CCDC50: variants seen among roughly 807,000 people sequenced by gnomAD.
The protein encoded by CCDC50 is coiled-coil domain containing 50.
A neutral mutation model predicts 70.2 loss-of-function variants in CCDC50; 54 were observed. That is an observed-to-expected ratio of 0.77 (90% CI 0.62 to 0.96). The LOEUF is 0.96. Ranked by LOEUF, CCDC50 falls within the 50% of genes least tolerant of loss-of-function variation. CCDC50 has a pLI of 0.00. For synonymous variants in CCDC50, 216 were observed against 198.8 expected (o/e 1.09, Z -0.73); for missense variants, 558 against 578.7 (o/e 0.96, Z 0.37).
At position 191,397,058 on chromosome 3, in the gene CCDC50, G is replaced by A. The variant is rs1214676522; in HGVS notation, c.*5298G>A. The A allele has an allele frequency of 6.6e-6, 1 of 152,284 alleles. No individual in the cohort carries two copies. The highest frequency in any genetic ancestry group is 2.4e-5 in the African/African-American group (1 of 41,554). The allele number at this position is 152,284 out of a possible 1,614,324, so 9.4% of individuals were successfully genotyped here. ...TTCAGATAAGGGCATAATTAATTGT[G>A]TAACTTAATGCCCTGTTATTCATTG... On this transcript the variant is annotated 3_prime_UTR_variant, in exon 12 of 12. Transcript: ENST00000392455.
chr3:191,382,325 C>T lies in CCDC50; in HGVS notation c.1243-421C>T, dbSNP rs532797044. Among the ~76,000 whole-genome samples, 5 of 152,210 alleles carry T rather than the reference C, an allele frequency of 3.3e-5. No homozygotes were observed. In the East Asian group the frequency reaches 7.7e-4, roughly 23 times the overall value. Reference sequence around the variant, plus strand: ...TGGAAATCAGCCTAAGACATGTGTGCGGAAATAAGTTTGAGTGCACAAACC... The same window carrying T: ...TGGAAATCAGCCTAAGACATGTGTGTGGAAATAAGTTTGAGTGCACAAACC... On this transcript the variant is annotated intron_variant, in intron 9 of 11. Transcript: ENST00000392455.
intron 1 of CCDC50, among the ~76,000 whole-genome samples, chr3:191,353,229 G>A (rs1472662972): frequency 2.8e-5 from 4 of 142,096 alleles, no homozygotes; most frequent in African/African-American, 7.5e-5. Context: ...AGAGCCTACG[G>A]GACCATTGAG....
rs539107770 is a variant in CCDC50, at chr3:191,357,194, T to C, written c.112+44T>C. The stretch of plus-strand genomic sequence containing the variant: ...TTATGCTCCTTCAGTTTTCTTTTTT[T>C]AGTGGTAGCTTGAGGCTGGTTTCTT... On this transcript the variant is annotated intron_variant, in intron 2 of 11. Transcript: ENST00000392455. 81 of 1,526,176 alleles carry C rather than the reference T, an allele frequency of 5.3e-5. No individual in the cohort carries two copies. In the Middle Eastern group the frequency reaches 1.9e-3, roughly 35 times the overall value. 94.5% of individuals were successfully genotyped at this position (1,526,176 alleles called of 1,614,324 possible). A position where few individuals can be genotyped will look rare whatever the true frequency, so the allele number is the denominator to read the frequency against.
At chr3:191,389,932 C>T (rs1194628988) in intron 11 of CCDC50, among the ~76,000 whole-genome samples, 2 of 130,286 alleles carry the variant, frequency 1.5e-5, no homozygotes, top group Non-Finnish European at 3.1e-5. Context: ...ATGATCTTGG[C>T]TCTCTACAGC....
chr3:191,357,226 TA>T lies in CCDC50; in HGVS notation c.112+77del, dbSNP rs903419791. On this transcript the variant is annotated intron_variant, in intron 2 of 11. Transcript: ENST00000392455. ...AGCTTGAGGCTGGTTTCTTAGGGCTTAGGTGGGGAGAGAGCACAGTCACTTG... is the reference window on the plus strand; with the variant it reads ...AGCTTGAGGCTGGTTTCTTAGGGCTTGGTGGGGAGAGAGCACAGTCACTTG... 187 of 1,155,412 alleles carry T rather than the reference TA, an allele frequency of 1.6e-4. 1 individual carries two copies. The highest frequency in any genetic ancestry group is 1.4e-4 in the Non-Finnish European group (110 of 771,344). 71.6% of individuals were successfully genotyped at this position (1,155,412 alleles called of 1,614,324 possible). A position where few individuals can be genotyped will look rare whatever the true frequency, so the allele number is the denominator to read the frequency against.
At chr3:191,386,311 G>T (rs520600) in intron 10 of CCDC50, among the ~76,000 whole-genome samples, 63,953 of 143,310 alleles carry the variant, frequency 0.45, 15,253 homozygotes, top group Non-Finnish European at 0.54. Flanking sequence ...TGCAACCTCT[G>T]CCTCCTGGGT....
chr3:191,370,001 G>C lies in CCDC50; in HGVS notation c.413G>C (p.Arg138Pro), dbSNP rs557807225. The C allele has an allele frequency of 6.2e-6, 10 of 1,612,694 alleles. No homozygotes were observed. In the African/African-American group the frequency reaches 1.3e-4, roughly 22 times the overall value. ...CACTTTCCAGAGTTCCCTGCAACCC[G>C]TGCTTATGCAGATAGTTACTATTAT... ...KKHFPEFPAT[R>P]AYADSYYYED... The change falls in exon 5 of 12, where the codon CGT becomes CCT. Residue 138 changes from arginine to proline, a missense_variant. Transcript: ENST00000392455.
In CCDC50 at chr3:191,382,733, T is replaced by G. The variant is rs763461842; in HGVS notation, c.1243-13T>G. 6.3e-7 allele frequency: 1 copy of G among 1,577,574 alleles called. No individual in the cohort carries two copies. Among genetic ancestry groups the G allele is most frequent in the Non-Finnish European group, 8.7e-7 (1 of 1,147,854 alleles). ...TGTTATTTTTGTTTGTTTGTTTGTA[T>G]TTTTGTCCATAGCCAAAAACAGCTA... On this transcript the variant is annotated splice_polypyrimidine_tract_variant and intron_variant, in intron 9 of 11. Coordinates refer to ENST00000392455, the MANE Select transcript of CCDC50 (RefSeq NM_178335.3).
intron 6 of CCDC50, among the ~76,000 whole-genome samples, chr3:191,379,198 A>G (rs377667906): frequency 1.3e-4 from 20 of 152,168 alleles, no homozygotes; most frequent in African/African-American, 4.3e-4. Context: ...TTACTCAAGG[A>G]CAGGGCACAC....
At chr3:191,355,443 T>C (rs2108646926) in intron 1 of CCDC50, among the ~76,000 whole-genome samples, 1 of 152,302 alleles carries the variant, frequency 6.6e-6, no homozygotes, top group African/African-American at 2.4e-5. Context: ...TCTTTCTGTC[T>C]ATTCTTACCA....
At chr3:191,348,591 G>T (rs1437299067) in intron 1 of CCDC50, among the ~76,000 whole-genome samples, 1 of 141,972 alleles carries the variant, frequency 7.0e-6, no homozygotes, top group Non-Finnish European at 1.6e-5. Context: ...CTGTTTAGAA[G>T]GATCATCTAT....
In CCDC50 at chr3:191,369,971, A is replaced by G. The variant is rs1205231406; in HGVS notation, c.383A>G (p.Lys128Arg). 6.2e-7 allele frequency: 1 copy of G among 1,613,646 alleles called. No homozygotes were observed. The change falls in exon 5 of 12, where the codon AAG becomes AGG. Residue 128 changes from lysine to arginine, a missense_variant. Coordinates refer to ENST00000392455, the MANE Select transcript of CCDC50 (RefSeq NM_178335.3). ...GAGTTACAGGAAGAGAAAAAGAGAA[A>G]GAAACACTTTCCAGAGTTCCCTGCA... is the stretch of plus-strand genomic sequence containing the variant. The part of the protein sequence containing the change: ...EKELQEEKKR[K>R]KHFPEFPATR...
chr3:191,367,238 G>A (rs1005962328), intron 4 of CCDC50, among the ~76,000 whole-genome samples: 2 of 152,036 alleles, frequency 1.3e-5, no homozygotes, highest in Admixed American at 6.6e-5. Context: ...TTACAAAGAA[G>A]GGCTGTAATT....
chr3:191,334,559 A>G (rs1718082886), intron 1 of CCDC50, among the ~76,000 whole-genome samples: 1 of 152,142 alleles, frequency 6.6e-6, no homozygotes, highest in Admixed American at 6.5e-5. Flanking sequence ...AGTGAGTTGT[A>G]TTAAACCACT....
Position 191,395,243 on chromosome 3 carries a change from T to C in CCDC50, c.*3483T>C, listed in dbSNP as rs915048698. On this transcript the variant is annotated 3_prime_UTR_variant, in exon 12 of 12. Coordinates refer to ENST00000392455, the MANE Select transcript of CCDC50 (RefSeq NM_178335.3). ...GCTGAGCTAGATGATGAGTAAATTC[T>C]TTGCTGACTGTTGCTCATCACTTTC... is the stretch of plus-strand genomic sequence containing the variant. 2 of 152,174 alleles carry C rather than the reference T, an allele frequency of 1.3e-5. No individual in the cohort carries two copies. Among genetic ancestry groups the C allele is most frequent in the Non-Finnish European group, 2.9e-5 (2 of 68,004 alleles). 9.4% of individuals were successfully genotyped at this position (152,174 alleles called of 1,614,324 possible).
intron 10 of CCDC50, among the ~76,000 whole-genome samples, chr3:191,385,646 T>TTA (rs1713464211): frequency 6.6e-6 from 1 of 151,358 alleles, no homozygotes; most frequent in African/African-American, 2.4e-5. Flanking sequence ...AATCTTTAGT[T>TTA]ACATTAAGTC....
At chr3:191,331,235 C>T (rs1321343685) in intron 1 of CCDC50, among the ~76,000 whole-genome samples, 58 of 152,150 alleles carry the variant, frequency 3.8e-4, no homozygotes, top group Non-Finnish European at 1.5e-4. Context: ...TCAAACAAAA[C>T]CTGGTATGTA....
At chr3:191,335,762 T>A (rs1265931495) in intron 1 of CCDC50, among the ~76,000 whole-genome samples, 2 of 152,192 alleles carry the variant, frequency 1.3e-5, no homozygotes, top group Non-Finnish European at 2.9e-5. Flanking sequence ...AGTGGTTCTT[T>A]CCTTTTTCTT....
rs1347613251 is a variant in CCDC50, at chr3:191,349,304, A to G, written c.50-7784A>G. Among the ~76,000 whole-genome samples, 4 of 142,224 alleles carry G rather than the reference A, an allele frequency of 2.8e-5. 1 individual carries two copies. Among genetic ancestry groups the G allele is most frequent in the Non-Finnish European group, 6.3e-5 (4 of 63,106 alleles). 93.3% of individuals were successfully genotyped at this position (142,224 alleles called of 152,430 possible). ...GAAGAAACTCTAACAGATTAGGGAGACATTTCTTTTGTAGGGTAGCGTAAA... is the reference window on the plus strand; with the variant it reads ...GAAGAAACTCTAACAGATTAGGGAGGCATTTCTTTTGTAGGGTAGCGTAAA... On this transcript the variant is annotated intron_variant, in intron 1 of 11. Transcript: ENST00000392455.
Sources: gnomAD v4.1 joint callset for allele counts (sites outside exome capture counted in the v4.1 genomes callset) on GRCh38, gnomAD v4.1.1 for gene constraint, MANE v1.5 for transcripts, NCBI Gene and HGNC (gene_info 2026-07-23, HGNC 2026-07-21) for gene names.